HSPBP1: variants seen among roughly 807,000 people sequenced by gnomAD.
HSPBP1 encodes the protein hsp70-binding protein 1.
In HSPBP1, 31 loss-of-function variants were observed where a neutral mutation model predicts 41.7. That is an observed-to-expected ratio of 0.74 (90% CI 0.56 to 1.00). The LOEUF is 1.00. Ranked by LOEUF, HSPBP1 falls within the 50% of genes least tolerant of loss-of-function variation. The pLI is 0.00. For synonymous variants in HSPBP1, 199 were observed against 214.4 expected (o/e 0.93, Z 0.63); for missense variants, 439 against 487.9 (o/e 0.90, Z 0.94).
intron 7 of HSPBP1, 79 bp from the exon 8 acceptor site, chr19:55,262,761 G>A: frequency 7.3e-7 from 1 of 1,367,532 alleles, no homozygotes; most frequent in Non-Finnish European, 1.0e-6. Flanking sequence ...GGCACCCAGA[G>A]GTGACTCCTC....
At chr19:55,266,379 C>A in intron 4 of HSPBP1, 93 bp from the exon 5 acceptor site, 1 of 1,258,446 alleles carries the variant, frequency 7.9e-7, no homozygotes, top group South Asian at 1.4e-5. Context: ...ACCACCATCA[C>A]CAACATCATC....
chr19:55,262,783 C>G (rs531726523), intron 7 of HSPBP1, 101 bp from the exon 8 acceptor site: 82 of 1,008,414 alleles, frequency 8.1e-5, no homozygotes, highest in Non-Finnish European at 1.2e-4. Flanking sequence ...TCTCTCCTGG[C>G]CACCACCCAC....
intron 1 of HSPBP1, 71 bp from the exon 2 acceptor site, chr19:55,279,773 C>T: frequency 1.3e-6 from 2 of 1,489,914 alleles, no homozygotes; most frequent in Non-Finnish European, 1.8e-6. Flanking sequence ...GCCCCCAGCC[C>T]ACTTAACCAC....
Position 55,277,840 on chromosome 19 carries a change from G to A in HSPBP1, c.217C>T (p.Gln73Ter). The A allele has an allele frequency of 6.4e-7, 1 of 1,561,306 alleles. No homozygotes were observed. The highest frequency in any genetic ancestry group is 8.7e-7 in the Non-Finnish European group (1 of 1,152,970). Residue 73 changes from glutamine to a stop codon, truncating the protein, a stop_gained, in exon 3 of 8, where the codon CAG becomes TAG. Coordinates refer to ENST00000433386, the MANE Select transcript of HSPBP1 (RefSeq NM_012267.5). LOFTEE classifies it high-confidence loss of function. ...PPEPMSEERR[Q>*]WLQEAMSAAF... is the part of the protein sequence containing the mutation. ...GCCGACATGGCCTCCTGCAGCCACTGACGCCTCTGGAGACCAAGGCGAGGA... is the reference window on the plus strand; with the variant it reads ...GCCGACATGGCCTCCTGCAGCCACTAACGCCTCTGGAGACCAAGGCGAGGA...
At position 55,262,612 on chromosome 19, in the gene HSPBP1, C is replaced by A. The variant is rs376017836; in HGVS notation, c.1076G>T (p.Arg359Leu). Residue 359 changes from arginine (R) to leucine (L), a missense_variant, in exon 8 of 8, where the codon CGG (arginine) becomes CTG (leucine). Physicochemically the swap from Arg to Leu is moderately radical, Grantham distance 102. Coordinates refer to ENST00000433386, the MANE Select transcript of HSPBP1 (RefSeq NM_012267.5). ...FSSPADDSMD[R>L] is the part of the protein sequence containing the mutation. ...GGGGCAAGAAGCCACCTGGTTTCACCGATCCATGCTGTCGTCCGCTGGGCT... is the reference window on the plus strand; with the variant it reads ...GGGGCAAGAAGCCACCTGGTTTCACAGATCCATGCTGTCGTCCGCTGGGCT... 5 of 1,613,568 alleles carry A rather than the reference C, an allele frequency of 3.1e-6. No individual in the cohort carries two copies. The highest frequency in any genetic ancestry group is 4.5e-5 in the East Asian group (2 of 44,882).
chr19:55,274,006 G>A (rs1293386152), intron 4 of HSPBP1, among the ~76,000 whole-genome samples: 1 of 152,104 alleles, frequency 6.6e-6, no homozygotes, highest in East Asian at 1.9e-4. Flanking sequence ...TTGTGCGCTG[G>A]CAGGTGGGGT....
chr19:55,265,464 G>A lies in HSPBP1; in HGVS notation c.894-75C>T, dbSNP rs1041171490. ...CTGACCCAACCCTATCGCCCGCCCC[G>A]TCCCCTGGCTCACTCAGGAGCCTGG... On this transcript the variant is annotated intron_variant, in intron 6 of 7. Coordinates refer to ENST00000433386, the MANE Select transcript of HSPBP1 (RefSeq NM_012267.5). 116 of 1,132,336 alleles carry A rather than the reference G, an allele frequency of 1.0e-4. 2 individuals carry two copies. In the South Asian group the frequency reaches 1.1e-3, roughly 11 times the overall value. The allele number at this position is 1,132,336 out of a possible 1,614,324, so 70.1% of individuals were successfully genotyped here. A position where few individuals can be genotyped will look rare whatever the true frequency, so the allele number is the denominator to read the frequency against.
chr19:55,278,923 C>CCCCCAAA (rs764250410), intron 2 of HSPBP1, among the ~76,000 whole-genome samples: 1 of 90,664 alleles, frequency 1.1e-5, no homozygotes. Context: ...CTGCCCCCAC[C>CCCCCAAA]AAAAAAAAAA....
chr19:55,274,672 G>A (rs373099867), intron 3 of HSPBP1, 50 bp from the exon 4 acceptor site: 31 of 1,494,634 alleles, frequency 2.1e-5, no homozygotes, highest in Middle Eastern at 3.9e-4. Flanking sequence ...GGACTGAACC[G>A]TGCCCCCCAA....
At chr19:55,267,687 C>T (rs899253572) in intron 4 of HSPBP1, among the ~76,000 whole-genome samples, 70 of 151,900 alleles carry the variant, frequency 4.6e-4, no homozygotes, top group African/African-American at 4.8e-5. Flanking sequence ...TATTGAACTC[C>T]AGACCTCATA....
intron 3 of HSPBP1, 54 bp from the exon 4 acceptor site, chr19:55,274,676 C>T: frequency 6.9e-7 from 1 of 1,458,228 alleles, no homozygotes; most frequent in Non-Finnish European, 9.4e-7. Flanking sequence ...TGAACCGTGC[C>T]CCCCAAAATG....
chr19:55,267,534 C>A (rs1313688361), intron 4 of HSPBP1, among the ~76,000 whole-genome samples: 1 of 151,754 alleles, frequency 6.6e-6, no homozygotes, highest in African/African-American at 2.4e-5. Context: ...CATTTTGGCT[C>A]ACTGCAACCT....
At position 55,262,801 on chromosome 19, in the gene HSPBP1, C is replaced by G. The variant is rs540097375; in HGVS notation, c.1006-119G>C. 38 of 846,968 alleles carry G rather than the reference C, an allele frequency of 4.5e-5. No individual in the cohort carries two copies. In the African/African-American group the frequency reaches 4.8e-4, roughly 11 times the overall value. 52.5% of individuals were successfully genotyped at this position (846,968 alleles called of 1,614,324 possible). A position where few individuals can be genotyped will look rare whatever the true frequency, so the allele number is the denominator to read the frequency against. ...CTCCTGGCCACCACCCACTCCCCCC[C>G]ACCAGAGGTTAGGCTTTTTTAATCA... On this transcript the variant is annotated intron_variant, in intron 7 of 7. Transcript: ENST00000433386.
intron 3 of HSPBP1, among the ~76,000 whole-genome samples, chr19:55,276,146 C>CGCCACA (rs2088066563): frequency 6.7e-6 from 1 of 149,164 alleles, no homozygotes; most frequent in East Asian, 2.0e-4. Flanking sequence ...CTCTGACACA[C>CGCCACA]GCCACAACAT....
chr19:55,277,161 C>A (rs1004294317), intron 3 of HSPBP1, among the ~76,000 whole-genome samples: 6 of 152,190 alleles, frequency 3.9e-5, no homozygotes, highest in African/African-American at 1.4e-4. Flanking sequence ...GTTTCCTGCG[C>A]CTGGCCCCTC....
At chr19:55,277,889 A>C in intron 2 of HSPBP1, 43 bp from the exon 3 acceptor site, 1 of 1,436,130 alleles carries the variant, frequency 7.0e-7, no homozygotes, top group Admixed American at 2.6e-5. Context: ...TCCATCAGTC[A>C]TTCATTACAA....
intron 4 of HSPBP1, 54 bp downstream of exon 4, chr19:55,274,344 G>GCCCCCCCCC: frequency 1.0e-5 from 3 of 293,906 alleles, no homozygotes; most frequent in Non-Finnish European, 6.3e-6. Flanking sequence ...GGGCCCACCC[G>GCCCCCCCCC]GCACCCCCCC....
chr19:55,269,624 C>T (rs747946002), intron 4 of HSPBP1, among the ~76,000 whole-genome samples: 6 of 152,128 alleles, frequency 3.9e-5, no homozygotes, highest in Non-Finnish European at 8.8e-5. Context: ...AGAAGCCAGT[C>T]GGAAAAGGCT....
intron 5 of HSPBP1, 23 bp from the exon 6 acceptor site, chr19:55,266,005 C>A: frequency 6.3e-7 from 1 of 1,579,700 alleles, no homozygotes; most frequent in East Asian, 2.3e-5. Context: ...CTGCAGGGGT[C>A]AGAGGGGCAG....
Sources: gnomAD v4.1 joint callset for allele counts (sites outside exome capture counted in the v4.1 genomes callset) on GRCh38, gnomAD v4.1.1 for gene constraint, MANE v1.5 for transcripts, NCBI Gene and HGNC (gene_info 2026-07-23, HGNC 2026-07-21) for gene names.